Variants in IRAK2 observed in about 807,000 individuals in gnomAD.
The protein encoded by IRAK2 is interleukin-1 receptor-associated kinase-like 2.
Under a neutral mutation model 72.0 loss-of-function variants are expected in IRAK2, and 57 were observed. The observed-to-expected ratio is 0.79, with a 90% CI of 0.64 to 0.99. The LOEUF (loss-of-function observed/expected upper bound fraction) is 0.99. IRAK2 is among the 50% of genes least tolerant of loss of function. IRAK2 has a pLI of 0.00. For synonymous variants in IRAK2, 293 were observed against 312.7 expected, an observed-to-expected ratio of 0.94 and a Z score of 0.67; for missense variants, 790 against 794.4, an observed-to-expected ratio of 0.99 and a Z score of 0.07.
intron 2 of IRAK2, among the ~76,000 whole-genome samples, chr3:10,198,106 G>A (rs1417198331): frequency 6.6e-6 from 1 of 152,148 alleles, no homozygotes; most frequent in Non-Finnish European, 1.5e-5. Flanking sequence ...GGCTGAGGCA[G>A]GAGAATGGCG....
At chr3:10,222,966 G>A (rs1697720261) in intron 9 of IRAK2, 135 bp downstream of exon 9, 1 of 746,856 alleles carries the variant, frequency 1.3e-6, no homozygotes, top group Non-Finnish European at 2.2e-6. Context: ...ACAAACTGTG[G>A]CCCACAGGCC....
intron 1 of IRAK2, among the ~76,000 whole-genome samples, chr3:10,168,215 A>T (rs1442571539): frequency 3.5e-5 from 5 of 144,208 alleles, no homozygotes; most frequent in Admixed American, 2.1e-4. Context: ...TCTTTTTTTA[A>T]TTTTTTTTTT....
chr3:10,177,778 G>T, intron 1 of IRAK2, 60 bp from the exon 2 acceptor site: 2 of 1,539,584 alleles, frequency 1.3e-6, no homozygotes, highest in South Asian at 1.1e-5. Flanking sequence ...CTAGTGTGGG[G>T]ACCTGTCCTA....
intron 1 of IRAK2, among the ~76,000 whole-genome samples, chr3:10,173,743 T>C (rs368362979): frequency 6.6e-5 from 10 of 152,216 alleles, no homozygotes; most frequent in African/African-American, 2.4e-4. Flanking sequence ...GAGAATTGCT[T>C]GAACCTGGGA....
chr3:10,226,267 G>GAGCT (rs1217635628), intron 9 of IRAK2, 104 bp from the exon 10 acceptor site: 3 of 860,770 alleles, frequency 3.5e-6, no homozygotes, highest in African/African-American at 3.3e-5. Context: ...GGCAATGGCA[G>GAGCT]AGCTGCACCT....
chr3:10,165,062 G>A lies in IRAK2; in HGVS notation c.94+14G>A, dbSNP rs753072005. ...GGATGGAGTTCGGTGAGTGCGGCCC[G>A]GGGAGGGGAGGGGACCAGGGCGACC... On this transcript the variant is annotated intron_variant, in intron 1 of 12. Transcript: ENST00000256458. 2.9e-5 allele frequency: 47 copies of A among 1,598,420 alleles called. No individual in the cohort carries two copies. The South Asian group carries it at 3.5e-4, about 12-fold the overall frequency.
Position 10,164,938 on chromosome 3 carries a change from C to T in IRAK2, c.-17C>T, listed in dbSNP as rs1426777461. On this transcript the variant is annotated 5_prime_UTR_variant, in exon 1 of 13. Coordinates refer to ENST00000256458, the MANE Select transcript of IRAK2 (RefSeq NM_001570.4). ...CGACCCAGTCGTCCCGCGCCGGAGC[C>T]GGCCCCGTAGCGTGCCATGGCCTGC... The T allele has an allele frequency of 1.3e-6, 2 of 1,590,998 alleles. No individual in the cohort carries two copies. Among genetic ancestry groups the T allele is most frequent in the Non-Finnish European group, 1.7e-6 (2 of 1,168,214 alleles).
chr3:10,189,814 T>C (rs1365874694), intron 2 of IRAK2, among the ~76,000 whole-genome samples: 3 of 151,948 alleles, frequency 2.0e-5, no homozygotes, highest in Non-Finnish European at 4.4e-5. Context: ...GTGTGTCTGC[T>C]CTCTTGGAAG....
intron 10 of IRAK2, among the ~76,000 whole-genome samples, chr3:10,230,319 T>G (rs1697839352): frequency 6.6e-6 from 1 of 151,754 alleles, no homozygotes; most frequent in Non-Finnish European, 1.5e-5. Context: ...TTTGTTATCA[T>G]TTTTGGAGAT....
chr3:10,238,763 G>A lies in IRAK2; in HGVS notation c.1489G>A (p.Ala497Thr). 3 of 1,614,050 alleles carry A rather than the reference G, an allele frequency of 1.9e-6. No individual in the cohort carries two copies. Among genetic ancestry groups the A allele is most frequent in the Middle Eastern group, 1.6e-4 (1 of 6,062 alleles). ...TSLQEVCGSV[A>T]AVEERLRGRE... The stretch of plus-strand genomic sequence containing the variant: ...TCTCCCAAAGGTGTGTGGCTCTGTG[G>A]CTGCTGTGGAAGAGCGGCTCCGAGG... Residue 497 changes from alanine to threonine, a missense_variant, in exon 12 of 13, where the codon GCT (alanine) becomes ACT (threonine). Ala to Thr is a moderately conservative substitution (Grantham distance 58). Transcript: ENST00000256458.
intron 6 of IRAK2, among the ~76,000 whole-genome samples, chr3:10,215,393 C>CAAAA (rs562788691): frequency 7.5e-5 from 6 of 79,482 alleles, no homozygotes; most frequent in South Asian, 4.4e-4. Context: ...GACTCTGTCT[C>CAAAA]AAAAAAAAAA....
intron 2 of IRAK2, among the ~76,000 whole-genome samples, chr3:10,183,872 C>T (rs1697002341): frequency 1.3e-5 from 2 of 152,180 alleles, no homozygotes; most frequent in South Asian, 4.1e-4. Flanking sequence ...TCTTGGGCTC[C>T]TCTATTAGCC....
intron 1 of IRAK2, among the ~76,000 whole-genome samples, chr3:10,173,279 C>G (rs951533508): frequency 2.0e-5 from 3 of 151,688 alleles, no homozygotes; most frequent in African/African-American, 7.3e-5. Flanking sequence ...CCACTACTGT[C>G]CTGCTGACTT....
chr3:10,200,103 G>T (rs1223791662), intron 2 of IRAK2, among the ~76,000 whole-genome samples: 1 of 152,054 alleles, frequency 6.6e-6, no homozygotes, highest in Non-Finnish European at 1.5e-5. Context: ...GGCCAGGCTG[G>T]TCTCGAACTC....
chr3:10,198,013 C>G (rs1329576086), intron 2 of IRAK2, among the ~76,000 whole-genome samples: 3 of 151,446 alleles, frequency 2.0e-5, no homozygotes, highest in African/African-American at 7.3e-5. Flanking sequence ...TCCTGGCTAA[C>G]ACAGTGAAAC....
Position 10,240,537 on chromosome 3 carries a change from GCCCCCCCCC to G in IRAK2, c.1765+1508_1765+1516del, listed in dbSNP as rs781428702. The stretch of plus-strand genomic sequence containing the variant: ...TCTTTCTGAAATAAAAAATTAGGAA[GCCCCCCCCC>G]CCCCCCCCCGCCTTTTTTTTTTTTT... On this transcript the variant is annotated intron_variant, in intron 12 of 12. Transcript: ENST00000256458. 1.6e-3 allele frequency among the ~76,000 whole-genome samples: 15 copies of G among 9,138 alleles called. 3 individuals carry two copies. Among genetic ancestry groups the G allele is most frequent in the South Asian group, 9.4e-3 (1 of 106 alleles). 6.0% of individuals were successfully genotyped at this position (9,138 alleles called of 152,430 possible).
At chr3:10,203,582 T>C (rs1440919707) in intron 3 of IRAK2, among the ~76,000 whole-genome samples, 1 of 152,168 alleles carries the variant, frequency 6.6e-6, no homozygotes, top group Non-Finnish European at 1.5e-5. Context: ...TGGCTCCCCC[T>C]TGCAGTAGGT....
Position 10,164,966 on chromosome 3 carries a change from C to T in IRAK2, c.12C>T (p.Tyr4=). The change falls in exon 1 of 13, where the codon TAC becomes TAT. Residue 4 remains tyrosine (Y), a synonymous_variant. Coordinates refer to ENST00000256458, the MANE Select transcript of IRAK2 (RefSeq NM_001570.4). MAC[Y]IYQLPSWVLD... ...CCCCGTAGCGTGCCATGGCCTGCTACATCTACCAGCTGCCCTCCTGGGTGC... is the reference window on the plus strand; with the variant it reads ...CCCCGTAGCGTGCCATGGCCTGCTATATCTACCAGCTGCCCTCCTGGGTGC... The T allele has an allele frequency of 6.2e-7, 1 of 1,610,548 alleles. No individual in the cohort carries two copies. Among genetic ancestry groups the T allele is most frequent in the South Asian group, 1.1e-5 (1 of 90,804 alleles).
intron 2 of IRAK2, among the ~76,000 whole-genome samples, chr3:10,194,374 T>A (rs1235054417): frequency 4.6e-5 from 7 of 152,232 alleles, no homozygotes; most frequent in African/African-American, 1.7e-4. Context: ...AATTTAATCC[T>A]GGGAGGAAAG....
Sources: allele counts gnomAD v4.1 joint callset (sites outside exome capture counted in the v4.1 genomes callset), GRCh38; gene constraint gnomAD v4.1.1; transcripts MANE v1.5; gene names NCBI Gene and HGNC (gene_info 2026-07-23, HGNC 2026-07-21).